The following RYR3 variants were observed in gnomAD, a reference collection of about 807,000 sequenced individuals.
RYR3 encodes ryanodine receptor 3.
Under a neutral mutation model 584.3 loss-of-function variants are expected in RYR3, and 207 were observed. That is an observed-to-expected ratio of 0.35 (90% confidence interval 0.32 to 0.40). RYR3 has a LOEUF of 0.40. RYR3 is among the 10% of genes least tolerant of loss of function. The pLI is 1.00. For missense variants in RYR3, 5,616 were observed against 6,089.2 expected (o/e 0.92, Z 2.59); for synonymous variants, 2,416 against 2,248.5 (o/e 1.07, Z -2.11).
At chr15:33,453,401 A>G (rs182578775) in intron 1 of RYR3, among the ~76,000 whole-genome samples, 3 of 152,324 alleles carry the variant, frequency 2.0e-5, no homozygotes, top group African/African-American at 7.2e-5. Flanking sequence ...CAATCTCTGC[A>G]TAATATTCCT....
chr15:33,627,288 A>G (rs181744728), intron 20 of RYR3, among the ~76,000 whole-genome samples: 2 of 152,274 alleles, frequency 1.3e-5, no homozygotes, highest in Non-Finnish European at 2.9e-5. Flanking sequence ...AAATAATAAT[A>G]ATAAAAAATC....
intron 19 of RYR3, 73 bp from the exon 20 acceptor site, chr15:33,623,734 C>G: frequency 8.7e-7 from 1 of 1,144,750 alleles, no homozygotes; most frequent in Non-Finnish European, 1.3e-6. Flanking sequence ...AGGGATTGAT[C>G]TTTAATTTTC....
intron 57 of RYR3, among the ~76,000 whole-genome samples, chr15:33,751,689 A>G (rs2071330978): frequency 1.3e-5 from 2 of 151,304 alleles, no homozygotes; most frequent in East Asian, 1.9e-4. Context: ...TTGCCTGTTC[A>G]CTCTGATGGT....
Position 33,631,246 on chromosome 15 carries a change from T to C in RYR3, c.2820T>C (p.Val940=). Residue 940 remains valine (V), a synonymous_variant, in exon 23 of 104, where the codon GTT becomes GTC. Transcript: ENST00000634891. The part of the protein sequence containing the change: ...LLALGCHIAH[V]NPAAEEDLKK... ...CCCTGGGGTGCCACATTGCTCATGT[T>C]AACCCAGCTGCTGAGGAGGATCTCA... 1 of 1,592,292 alleles carries C rather than the reference T, an allele frequency of 6.3e-7. No homozygotes were observed. The highest frequency in any genetic ancestry group is 8.6e-7 in the Non-Finnish European group (1 of 1,168,482).
chr15:33,600,573 C>T (rs2059609207), intron 16 of RYR3, among the ~76,000 whole-genome samples: 1 of 151,884 alleles, frequency 6.6e-6, no homozygotes, highest in Admixed American at 6.6e-5. Context: ...TTGCAGCTGC[C>T]TAGGAAGTGG....
intron 2 of RYR3, among the ~76,000 whole-genome samples, chr15:33,503,159 T>C (rs1200681736): frequency 1.3e-5 from 2 of 152,200 alleles, no homozygotes; most frequent in African/African-American, 2.4e-5. Context: ...TGTGGCCTCT[T>C]TTTATACTCT....
chr15:33,740,938 A>G (rs552655600), intron 51 of RYR3, among the ~76,000 whole-genome samples: 45 of 152,368 alleles, frequency 3.0e-4, no homozygotes, highest in African/African-American at 9.9e-4. Context: ...GTAAGAGGTA[A>G]GAAGCATGGT....
intron 87 of RYR3, 89 bp downstream of exon 87, chr15:33,835,161 T>C: frequency 9.8e-7 from 1 of 1,018,466 alleles, no homozygotes; most frequent in South Asian, 1.5e-5. Context: ...ATGTGGCTGC[T>C]TGATCAAAGG....
At chr15:33,790,925 A>G (rs573785229) in intron 67 of RYR3, among the ~76,000 whole-genome samples, 15 of 152,292 alleles carry the variant, frequency 9.8e-5, no homozygotes, top group Admixed American at 3.3e-4. Context: ...AGAATGACCA[A>G]CTGTTTCAAA....
intron 24 of RYR3, 141 bp from the exon 25 acceptor site, chr15:33,634,445 A>G (rs1230325995): frequency 2.9e-6 from 2 of 683,398 alleles, no homozygotes; most frequent in Non-Finnish European, 5.0e-6. Flanking sequence ...GTACATTGCT[A>G]AATGTGAAGG....
chr15:33,773,347 A>ATT (rs796689335), intron 63 of RYR3, among the ~76,000 whole-genome samples, 187 bp from the exon 64 acceptor site: 2 of 150,576 alleles, frequency 1.3e-5, no homozygotes, highest in Admixed American at 1.3e-4. Flanking sequence ...TTTTTCCTAT[A>ATT]TTTTTTTTTT....
At chr15:33,342,903 T>G (rs1410483655) in intron 1 of RYR3, among the ~76,000 whole-genome samples, 2 of 152,210 alleles carry the variant, frequency 1.3e-5, no homozygotes, top group Non-Finnish European at 2.9e-5. Flanking sequence ...CAGCGACATA[T>G]GACATATAAG....
chr15:33,690,687 G>A (rs2152755505), intron 38 of RYR3, among the ~76,000 whole-genome samples: 1 of 152,276 alleles, frequency 6.6e-6, no homozygotes, highest in East Asian at 1.9e-4. Context: ...CCTCACTTCA[G>A]CATAGGCCCT....
chr15:33,720,917 C>G (rs1230907711), intron 43 of RYR3, among the ~76,000 whole-genome samples: 1 of 152,020 alleles, frequency 6.6e-6, no homozygotes, highest in Admixed American at 6.6e-5. Context: ...TAAGTTGATT[C>G]ATAAAATGTT....
intron 1 of RYR3, among the ~76,000 whole-genome samples, chr15:33,343,214 T>C (rs1324070875): frequency 6.6e-6 from 1 of 152,218 alleles, no homozygotes. Flanking sequence ...TTTCTGCCAG[T>C]TCTCTGGAAG....
intron 1 of RYR3, among the ~76,000 whole-genome samples, chr15:33,466,157 A>G (rs1352885944): frequency 6.6e-6 from 1 of 152,172 alleles, no homozygotes; most frequent in Non-Finnish European, 1.5e-5. Context: ...CTGTTTTTTA[A>G]AGCCATGTAA....
Position 33,613,258 on chromosome 15 carries a change from A to G in RYR3, c.2240A>G (p.Asp747Gly). ...GATGACGTGGTAAGCTGCTGCCTGGACCTCGGGGTGCCCAGCATCTCATTC... is the reference window on the plus strand; with the variant it reads ...GATGACGTGGTAAGCTGCTGCCTGGGCCTCGGGGTGCCCAGCATCTCATTC... ...RSDDVVSCCL[D>G]LGVPSISFRI... The change falls in exon 19 of 104, where the codon GAC becomes GGC. Residue 747 changes from aspartate to glycine, a missense_variant. Physicochemically the swap from Asp to Gly is moderately conservative, Grantham distance 94 (BLOSUM62 -1). Transcript: ENST00000634891. 6.2e-7 allele frequency: 1 copy of G among 1,613,882 alleles called. No homozygotes were observed. Among genetic ancestry groups the G allele is most frequent in the Non-Finnish European group, 8.5e-7 (1 of 1,179,834 alleles).
chr15:33,566,920 GTT>G (rs1401150069), intron 12 of RYR3, 121 bp downstream of exon 12: 19 of 1,125,320 alleles, frequency 1.7e-5, no homozygotes, highest in Non-Finnish European at 2.5e-5. Flanking sequence ...CCAGCAAAGA[GTT>G]TTACCATCAA....
At chr15:33,529,232 T>C (rs2054641834) in intron 3 of RYR3, among the ~76,000 whole-genome samples, 1 of 152,216 alleles carries the variant, frequency 6.6e-6, no homozygotes, top group Non-Finnish European at 1.5e-5. Flanking sequence ...TCTGTAGCTG[T>C]GGGAAAAAGC....
Sources: allele counts gnomAD v4.1 joint callset (sites outside exome capture counted in the v4.1 genomes callset), GRCh38; gene constraint gnomAD v4.1.1; transcripts MANE v1.5; gene names NCBI Gene and HGNC (gene_info 2026-07-23, HGNC 2026-07-21).